Variants in NREP observed in about 807,000 individuals in gnomAD.
The protein encoded by NREP is neuronal regeneration-related protein.
NREP carries 5 observed loss-of-function variants against 8.6 expected under a neutral mutation model. That is an observed-to-expected ratio of 0.58 (90% CI 0.30 to 1.22). The LOEUF is 1.22. NREP is among the 50% of genes most tolerant of loss of function. The pLI, the probability that NREP is intolerant of heterozygous loss-of-function variation, is 0.07. For synonymous variants in NREP, 27 were observed against 28.0 expected (o/e 0.96, Z 0.11); for missense variants, 86 against 82.5 (o/e 1.04, Z -0.17).
chr5:111,763,331 C>T (rs1001150527), intron 2 of NREP, among the ~76,000 whole-genome samples: 4 of 152,174 alleles, frequency 2.6e-5, no homozygotes, highest in African/African-American at 7.2e-5. Flanking sequence ...CAAAAGCAAA[C>T]ACAGGAGGAC....
At chr5:111,828,607 T>C (rs1368070171) in intron 2 of NREP, among the ~76,000 whole-genome samples, 1 of 152,088 alleles carries the variant, frequency 6.6e-6, no homozygotes, top group Admixed American at 6.6e-5. Flanking sequence ...CAATTACCGT[T>C]GATTGCTTTG....
intron 2 of NREP, among the ~76,000 whole-genome samples, chr5:111,776,010 T>C (rs565884117): frequency 1.3e-5 from 2 of 152,244 alleles, no homozygotes; most frequent in African/African-American, 4.8e-5. Flanking sequence ...AAAAATGTAA[T>C]TTATAACTAC....
At chr5:111,753,731 A>G (rs572610471) in intron 2 of NREP, among the ~76,000 whole-genome samples, 1 of 152,146 alleles carries the variant, frequency 6.6e-6, no homozygotes, top group Non-Finnish European at 1.5e-5. Context: ...GCTTCACTAG[A>G]AGCAGTTTCT....
At chr5:111,957,521 AC>A (rs766831721) in intron 2 of NREP, among the ~76,000 whole-genome samples, 1 of 151,982 alleles carries the variant, frequency 6.6e-6, no homozygotes, top group Non-Finnish European at 1.5e-5. Flanking sequence ...CTATTTTATA[AC>A]AACTCTTCCA....
At chr5:111,785,837 A>T (rs1158011659) in intron 2 of NREP, among the ~76,000 whole-genome samples, 12 of 152,160 alleles carry the variant, frequency 7.9e-5, no homozygotes, top group Admixed American at 2.0e-4. Flanking sequence ...GCAAGACTTG[A>T]ATCTCTTTCC....
At chr5:111,898,575 G>C (rs775104528) in intron 2 of NREP, among the ~76,000 whole-genome samples, 40 of 152,290 alleles carry the variant, frequency 2.6e-4, no homozygotes, top group South Asian at 8.3e-4. Context: ...GTTTAGACCA[G>C]AGACAGGAAT....
At chr5:111,848,265 G>C (rs1753228206) in intron 2 of NREP, among the ~76,000 whole-genome samples, 1 of 152,156 alleles carries the variant, frequency 6.6e-6, no homozygotes, top group Non-Finnish European at 1.5e-5. Context: ...TTTAGACACA[G>C]TTGGCAGGCC....
intron 2 of NREP, among the ~76,000 whole-genome samples, chr5:111,957,235 T>C (rs1756350549): frequency 6.6e-6 from 1 of 151,958 alleles, no homozygotes; most frequent in African/African-American, 2.4e-5. Flanking sequence ...ACATCAGTTA[T>C]AATTGTGATT....
intron 2 of NREP, among the ~76,000 whole-genome samples, chr5:111,943,703 C>T (rs951768590): frequency 6.6e-6 from 1 of 152,026 alleles, no homozygotes; most frequent in Non-Finnish European, 1.5e-5. Flanking sequence ...TAGGCTCTGC[C>T]CTCATGGAGC....
chr5:111,841,454 T>C (rs79800629), intron 2 of NREP, among the ~76,000 whole-genome samples: 2,965 of 152,246 alleles, frequency 0.019, 113 homozygotes, highest in East Asian at 0.12. Flanking sequence ...AAAGCTGGTC[T>C]CTATAGCAGT....
intron 2 of NREP, among the ~76,000 whole-genome samples, chr5:111,830,880 T>C (rs1752750981): frequency 6.6e-6 from 1 of 152,244 alleles, no homozygotes; most frequent in African/African-American, 2.4e-5. Context: ...TGGGGCCTTT[T>C]GGACTAATTT....
intron 2 of NREP, among the ~76,000 whole-genome samples, chr5:111,868,109 C>G (rs547450134): frequency 6.6e-6 from 1 of 152,126 alleles, no homozygotes; most frequent in East Asian, 1.9e-4. Flanking sequence ...AATGGAAACA[C>G]TAACTCAAAG....
At chr5:111,811,342 A>G (rs1752264966) in intron 2 of NREP, among the ~76,000 whole-genome samples, 1 of 152,172 alleles carries the variant, frequency 6.6e-6, no homozygotes, top group Admixed American at 6.5e-5. Flanking sequence ...ATACTCTTCA[A>G]CCTCGGCTTG....
chr5:111,911,070 C>A (rs969622143), intron 2 of NREP, among the ~76,000 whole-genome samples: 2 of 152,048 alleles, frequency 1.3e-5, no homozygotes, highest in Non-Finnish European at 2.9e-5. Context: ...GGCTATCACC[C>A]TGTACCCAGT....
chr5:111,930,282 G>A (rs911691261), intron 2 of NREP, among the ~76,000 whole-genome samples: 9 of 152,090 alleles, frequency 5.9e-5, no homozygotes, highest in African/African-American at 2.2e-4. Flanking sequence ...TTAAATGTTA[G>A]GCTCCCATAA....
At chr5:111,874,225 C>G (rs2112501457) in intron 2 of NREP, among the ~76,000 whole-genome samples, 1 of 152,198 alleles carries the variant, frequency 6.6e-6, no homozygotes, top group South Asian at 2.1e-4. Context: ...ATATACTGTT[C>G]TCTTTATCAG....
At chr5:111,953,904 A>T (rs1756236358) in intron 2 of NREP, among the ~76,000 whole-genome samples, 1 of 152,146 alleles carries the variant, frequency 6.6e-6, no homozygotes, top group Admixed American at 6.5e-5. Flanking sequence ...TGGGGATGAT[A>T]CATCCCAGTC....
At chr5:111,838,579 G>A (rs1165851405) in intron 2 of NREP, among the ~76,000 whole-genome samples, 1 of 152,098 alleles carries the variant, frequency 6.6e-6, no homozygotes, top group Non-Finnish European at 1.5e-5. Flanking sequence ...TGAGGAAGAA[G>A]AAATTCTGCT....
chr5:111,755,466 C>T (rs1266326413), intron 2 of NREP: 1 of 385,882 alleles, frequency 2.6e-6, no homozygotes, highest in Non-Finnish European at 4.9e-6. Context: ...CGTGTCACAA[C>T]ACATCACTCT....
Sources: gnomAD v4.1 joint callset for allele counts (sites outside exome capture counted in the v4.1 genomes callset) on GRCh38, gnomAD v4.1.1 for gene constraint, MANE v1.5 for transcripts, NCBI Gene and HGNC (gene_info 2026-07-23, HGNC 2026-07-21) for gene names.